DDR2: variants seen among roughly 807,000 people sequenced by gnomAD.
DDR2 encodes discoidin domain receptor tyrosine kinase 2.
In DDR2, 27 loss-of-function variants were observed where a neutral mutation model predicts 94.9. That is an observed-to-expected ratio of 0.28 (90% CI 0.21 to 0.39). The LOEUF (loss-of-function observed/expected upper bound fraction) is 0.39. Among genes scored for constraint, DDR2 ranks in the 10% least tolerant of loss-of-function variants. The pLI is 1.00. For synonymous variants in DDR2, 382 were observed against 377.2 expected, an observed-to-expected ratio of 1.01 and a Z score of -0.15; for missense variants, 783 against 1,076.0, an observed-to-expected ratio of 0.73 and a Z score of 3.81.
At chr1:162,758,478 A>C (rs1427596250) in intron 7 of DDR2, among the ~76,000 whole-genome samples, 1 of 152,032 alleles carries the variant, frequency 6.6e-6, no homozygotes, top group East Asian at 1.9e-4. Flanking sequence ...CATTCCTTTT[A>C]ATTTCTGTTG....
chr1:162,699,586 G>C (rs1571214503), intron 2 of DDR2, among the ~76,000 whole-genome samples: 3 of 152,192 alleles, frequency 2.0e-5, no homozygotes, highest in African/African-American at 7.2e-5. Flanking sequence ...TCTACACACT[G>C]TCCAGCAGGT....
At chr1:162,753,778 C>T (rs925310800) in intron 4 of DDR2, among the ~76,000 whole-genome samples, 6 of 152,152 alleles carry the variant, frequency 3.9e-5, no homozygotes, top group Non-Finnish European at 1.5e-5. Flanking sequence ...AATAAACTCC[C>T]TACTGCTCTA....
chr1:162,693,898 A>G (rs1660066139), intron 2 of DDR2, among the ~76,000 whole-genome samples: 1 of 152,170 alleles, frequency 6.6e-6, no homozygotes, highest in Non-Finnish European at 1.5e-5. Context: ...CTTCACCTTC[A>G]TATTTGAATC....
At chr1:162,767,044 T>A (rs1441011842) in intron 10 of DDR2, among the ~76,000 whole-genome samples, 185 bp from the exon 11 acceptor site, 6 of 71,530 alleles carry the variant, frequency 8.4e-5, no homozygotes, top group Non-Finnish European at 1.7e-4. Context: ...AAAAAAAAAG[T>A]AATAAAACAG....
rs1384112583 is a variant in DDR2 at position 162,780,582 on chromosome 1, G to A, written c.*336G>A. 1 of 237,708 alleles carries A rather than the reference G, an allele frequency of 4.2e-6. No individual in the cohort carries two copies. Among genetic ancestry groups the A allele is most frequent in the Non-Finnish European group, 8.3e-6 (1 of 120,486 alleles). 14.7% of individuals were successfully genotyped at this position (237,708 alleles called of 1,614,324 possible). On this transcript the variant is annotated 3_prime_UTR_variant, in exon 18 of 18. Coordinates refer to ENST00000367921, the MANE Select transcript of DDR2 (RefSeq NM_006182.4). ...GTTAACTATACTTGTGCTTATAAAT[G>A]TGCAGATTCTACAATATTTTTCCAT...
At chr1:162,719,357 A>G (rs1306738758) in intron 3 of DDR2, 3 of 646,542 alleles carry the variant, frequency 4.6e-6, no homozygotes, top group Non-Finnish European at 5.8e-6. Context: ...ATATTGTAAA[A>G]TATTTTCTTA....
At position 162,775,575 on chromosome 1, in the gene DDR2, C is replaced by A. The variant is rs745929055; in HGVS notation, c.1857-77C>A. On this transcript the variant is annotated intron_variant, in intron 14 of 17. Coordinates refer to ENST00000367921, the MANE Select transcript of DDR2 (RefSeq NM_006182.4). The stretch of plus-strand genomic sequence containing the variant: ...ATTTGGCATAATGTCCAGGAATAGG[C>A]CTTGGTGTGCATTCTTCTCTCTCTT... 2.7e-6 allele frequency: 4 copies of A among 1,489,882 alleles called. No individual in the cohort carries two copies. The African/African-American group carries it at 4.1e-5, about 15-fold the overall frequency. 92.3% of individuals were successfully genotyped at this position (1,489,882 alleles called of 1,614,324 possible).
intron 9 of DDR2, among the ~76,000 whole-genome samples, chr1:162,762,623 T>G (rs956646862): frequency 6.6e-6 from 1 of 152,240 alleles, no homozygotes; most frequent in Non-Finnish European, 1.5e-5. Flanking sequence ...TTCTTCATCA[T>G]GCACCAGTTT....
chr1:162,634,567 A>G (rs1385960942), intron 1 of DDR2, among the ~76,000 whole-genome samples: 1 of 152,174 alleles, frequency 6.6e-6, no homozygotes, highest in Non-Finnish European at 1.5e-5. Flanking sequence ...GATGTGTGTG[A>G]AACTCTGAAA....
intron 2 of DDR2, among the ~76,000 whole-genome samples, chr1:162,668,792 A>G (rs16864729): frequency 0.052 from 7,941 of 152,284 alleles, 257 homozygotes; most frequent in South Asian, 0.12. Context: ...CTATGAATAT[A>G]ACCTTAACTC....
At chr1:162,707,676 G>A (rs1660722226) in intron 2 of DDR2, among the ~76,000 whole-genome samples, 1 of 151,972 alleles carries the variant, frequency 6.6e-6, no homozygotes, top group South Asian at 2.1e-4. Flanking sequence ...TTGTTGTTGT[G>A]TTGCCCCAGG....
chr1:162,722,268 G>C (rs1028530739), intron 3 of DDR2, among the ~76,000 whole-genome samples: 1 of 152,308 alleles, frequency 6.6e-6, no homozygotes, highest in Admixed American at 6.5e-5. Context: ...GATGGTGTTA[G>C]TGGCATTTCC....
chr1:162,744,050 C>T (rs1274887992), intron 3 of DDR2, among the ~76,000 whole-genome samples: 1 of 152,126 alleles, frequency 6.6e-6, no homozygotes, highest in Non-Finnish European at 1.5e-5. Flanking sequence ...ATCAATAGTT[C>T]ATTTTATTGC....
chr1:162,665,216 C>T (rs1216618358), intron 2 of DDR2, among the ~76,000 whole-genome samples: 2 of 152,182 alleles, frequency 1.3e-5, no homozygotes, highest in Non-Finnish European at 2.9e-5. Context: ...ACAGAGCATG[C>T]GTTAAACATC....
intron 1 of DDR2, among the ~76,000 whole-genome samples, chr1:162,633,503 G>A (rs935937735): frequency 2.0e-5 from 3 of 152,076 alleles, no homozygotes; most frequent in Non-Finnish European, 4.4e-5. Context: ...TAACCCCTTC[G>A]CTCCACAGAT....
chr1:162,665,394 T>C (rs992408705), intron 2 of DDR2, among the ~76,000 whole-genome samples: 33 of 152,286 alleles, frequency 2.2e-4, no homozygotes, highest in African/African-American at 7.7e-4. Flanking sequence ...TGTTCCCTCA[T>C]GGCCCTAGGT....
intron 3 of DDR2, among the ~76,000 whole-genome samples, chr1:162,729,301 T>TTG (rs1661897432): frequency 1.7e-5 from 1 of 60,124 alleles, no homozygotes; most frequent in African/African-American, 8.3e-5. Flanking sequence ...TATATATATA[T>TTG]TTTTTTTTTT....
In DDR2 at chr1:162,755,175, A is replaced by G. The variant is rs201150529; in HGVS notation, c.437A>G (p.Asn146Ser). Residue 146 changes from asparagine to serine, a missense_variant, in exon 6 of 18, where the codon AAC becomes AGC. This residue lies in a region of DDR2 where 519 missense variants were observed against 647.9 expected (regional missense o/e 0.80). Transcript: ENST00000367921. The part of the protein sequence containing the change: ...HGKQVLDGNS[N>S]PYDIFLKDLE... Reference sequence around the variant, plus strand: ...CCTCAGGTGCTGGATGGAAATAGTAACCCCTATGACATTTTCCTAAAGGAC... The same window carrying G: ...CCTCAGGTGCTGGATGGAAATAGTAGCCCCTATGACATTTTCCTAAAGGAC... 1.0e-4 allele frequency: 166 copies of G among 1,613,820 alleles called. No individual in the cohort carries two copies. Among genetic ancestry groups the G allele is most frequent in the Non-Finnish European group, 1.4e-4 (161 of 1,179,976 alleles).
At chr1:162,735,485 T>A (rs1212051819) in intron 3 of DDR2, among the ~76,000 whole-genome samples, 1 of 152,182 alleles carries the variant, frequency 6.6e-6, no homozygotes, top group African/African-American at 2.4e-5. Context: ...TTAGGTCAAA[T>A]GGAGACTGAT....
Sources: gnomAD v4.1 joint callset for allele counts (sites outside exome capture counted in the v4.1 genomes callset) on GRCh38, gnomAD v4.1.1 for gene constraint, gnomAD v4.1.1 regional missense constraint, MANE v1.5 for transcripts, NCBI Gene and HGNC (gene_info 2026-07-23, HGNC 2026-07-21) for gene names.